Variants in PPM1A observed in about 807,000 individuals in gnomAD.
The protein encoded by PPM1A is protein phosphatase 1A.
PPM1A carries 7 observed loss-of-function variants against 35.0 expected under a neutral mutation model. That is an observed-to-expected ratio of 0.20 (90% CI 0.11 to 0.38). The LOEUF (loss-of-function observed/expected upper bound fraction) is 0.38, where lower values mean the gene tolerates loss of function less well. Ranked by LOEUF, PPM1A falls within the 10% of genes least tolerant of loss-of-function variation. The probability of loss-of-function intolerance (pLI) is 1.00; values close to 1 mark genes in which losing one functional copy is unlikely to be tolerated. For synonymous variants in PPM1A, 153 were observed against 167.3 expected (o/e 0.91, Z 0.66); for missense variants, 239 against 467.8 (o/e 0.51, Z 4.51).
intron 1 of PPM1A, among the ~76,000 whole-genome samples, chr14:60,255,016 T>G (rs1882888409): frequency 6.6e-6 from 1 of 152,194 alleles, no homozygotes; most frequent in Admixed American, 6.5e-5. Flanking sequence ...TTTGTGTCTT[T>G]CCTTCTCCAG....
intron 1 of PPM1A, chr14:60,256,842 T>C (rs913533428): frequency 1.3e-5 from 2 of 152,222 alleles, no homozygotes; most frequent in Non-Finnish European, 2.9e-5. Context: ...TGTTGATCCA[T>C]GCGGTTTCAT....
chr14:60,297,642 C>T lies in PPM1A; in HGVS notation c.*5160C>T, dbSNP rs150309578. 2.6e-4 allele frequency: 39 copies of T among 151,688 alleles called. No individual in the cohort carries two copies. The highest frequency in any genetic ancestry group is 5.2e-4 in the Non-Finnish European group (35 of 67,650). The allele number at this position is 151,688 out of a possible 1,614,324, so 9.4% of individuals were successfully genotyped here. On this transcript the variant is annotated 3_prime_UTR_variant, in exon 6 of 6. Transcript: ENST00000395076. ...GATCCAGTATAAGACTATTTAGTAA[C>T]GTGCATTTGTATGGTACTATCTAAA... is the stretch of plus-strand genomic sequence containing the variant.
intron 1 of PPM1A, among the ~76,000 whole-genome samples, chr14:60,279,516 T>C (rs746685764): frequency 2.6e-4 from 40 of 152,230 alleles, no homozygotes; most frequent in Non-Finnish European, 1.3e-4. Flanking sequence ...GTTCATTATT[T>C]TTAAAACGTT....
chr14:60,272,608 C>G (rs993805525), intron 1 of PPM1A, among the ~76,000 whole-genome samples: 2 of 147,186 alleles, frequency 1.4e-5, no homozygotes, highest in Non-Finnish European at 3.0e-5. Context: ...ACTTGGGAGG[C>G]TGAGGCACAG....
At chr14:60,287,390 AT>A in intron 3 of PPM1A, 1 of 981,750 alleles carries the variant, frequency 1.0e-6, no homozygotes, top group Non-Finnish European at 1.2e-6. Context: ...TAAATATGGT[AT>A]TTTTTACTCA....
At chr14:60,287,438 A>C in intron 3 of PPM1A, 2 of 984,374 alleles carry the variant, frequency 2.0e-6, no homozygotes, top group South Asian at 9.4e-5. Context: ...TAAATATTAC[A>C]TTAAAATTGC....
chr14:60,268,691 C>CT (rs2139429697), intron 1 of PPM1A, among the ~76,000 whole-genome samples: 1 of 150,814 alleles, frequency 6.6e-6, no homozygotes, highest in South Asian at 2.1e-4. Context: ...TTTCAACACA[C>CT]TATTGCTGGC....
At chr14:60,252,206 C>T (rs1882508226) in intron 1 of PPM1A, among the ~76,000 whole-genome samples, 1 of 152,140 alleles carries the variant, frequency 6.6e-6, no homozygotes, top group Non-Finnish European at 1.5e-5. Flanking sequence ...AATTTTTAAC[C>T]AAGAAGTGGC....
At chr14:60,288,882 G>A (rs1210788779) in intron 3 of PPM1A, among the ~76,000 whole-genome samples, 1 of 151,956 alleles carries the variant, frequency 6.6e-6, no homozygotes, top group East Asian at 1.9e-4. Context: ...AAATACTTTT[G>A]ACTTGAATTT....
intron 1 of PPM1A, among the ~76,000 whole-genome samples, chr14:60,268,941 CTT>C (rs767187097): frequency 2.3e-4 from 29 of 128,512 alleles, no homozygotes; most frequent in Non-Finnish European, 2.4e-4. Context: ...ATTTCATTTT[CTT>C]TTTTTTTTTT....
rs1882089216 is a variant in PPM1A at position 60,249,675 on chromosome 14, C to A, written c.-23C>A. 3.0e-6 allele frequency: 3 copies of A among 983,676 alleles called. No individual in the cohort carries two copies. Among genetic ancestry groups the A allele is most frequent in the South Asian group, 4.5e-5 (1 of 22,038 alleles). 60.9% of individuals were successfully genotyped at this position (983,676 alleles called of 1,614,324 possible). On this transcript the variant is annotated splice_region_variant and 5_prime_UTR_variant, in exon 1 of 6. Coordinates refer to ENST00000395076, the MANE Select transcript of PPM1A (RefSeq NM_021003.5). This position sits in a 1 kb window ranked among gnomAD's most constrained non-coding sequence, Gnocchi z 4.5. ...GGGACCTGCCCGCCTGCGGCTGCTC[C>A]GGGTAAGTGCGGCGCTCGGGCCGAC...
At chr14:60,252,537 A>G (rs1056416765) in intron 1 of PPM1A, among the ~76,000 whole-genome samples, 8 of 152,162 alleles carry the variant, frequency 5.3e-5, no homozygotes, top group African/African-American at 1.9e-4. Context: ...AGAAGAGGAG[A>G]AGGTATAGTG....
At chr14:60,280,976 GATCTTGGCCAAGTTCTTTA>G (rs1036037729) in intron 1 of PPM1A, among the ~76,000 whole-genome samples, 3 of 152,092 alleles carry the variant, frequency 2.0e-5, no homozygotes, top group Admixed American at 1.3e-4. Flanking sequence ...TTAGTTGAGT[GATCTTGGCCAAGTTCTTTA>G]ATCTTGGCTA....
intron 1 of PPM1A, among the ~76,000 whole-genome samples, chr14:60,261,767 C>T (rs1272571253): frequency 1.3e-5 from 2 of 152,110 alleles, no homozygotes; most frequent in Non-Finnish European, 2.9e-5. Context: ...AAAATCATAC[C>T]TTGATTTTAT....
At chr14:60,251,263 G>A (rs767145052) in intron 1 of PPM1A, among the ~76,000 whole-genome samples, 1 of 152,146 alleles carries the variant, frequency 6.6e-6, no homozygotes, top group Non-Finnish European at 1.5e-5. Context: ...TTTTTAGATC[G>A]GTGAAGTAAT....
At position 60,296,562 on chromosome 14, in the gene PPM1A, C is replaced by G. The variant is rs527358041; in HGVS notation, c.*4080C>G. The stretch of plus-strand genomic sequence containing the variant: ...TTGAGTATCTAGTCTTCTAGTTTTT[C>G]TTTTAGGCATTAGGAAGCCTTCTTT... On this transcript the variant is annotated 3_prime_UTR_variant, in exon 6 of 6. Coordinates refer to ENST00000395076, the MANE Select transcript of PPM1A (RefSeq NM_021003.5). This position sits in a 1 kb window ranked among gnomAD's most constrained non-coding sequence, Gnocchi z 4.4. 1 of 316,404 alleles carries G rather than the reference C, an allele frequency of 3.2e-6. No homozygotes were observed. Among genetic ancestry groups the G allele is most frequent in the African/African-American group, 2.1e-5 (1 of 47,046 alleles). The allele number at this position is 316,404 out of a possible 1,614,324, so 19.6% of individuals were successfully genotyped here.
chr14:60,266,023 T>A (rs570210861), intron 1 of PPM1A, among the ~76,000 whole-genome samples: 2 of 152,320 alleles, frequency 1.3e-5, no homozygotes, highest in South Asian at 4.1e-4. Flanking sequence ...TAGTTGACTC[T>A]CCTACTTATG....
rs202247578 is a variant in PPM1A, at chr14:60,283,677, TATATC to T, written c.834+144_834+148del. The T allele has an allele frequency of 8.2e-4, 648 of 791,358 alleles. 5 individuals are homozygous for T. In the East Asian group the frequency reaches 0.017, roughly 21 times the overall value. 49.0% of individuals were successfully genotyped at this position (791,358 alleles called of 1,614,324 possible). A position where few individuals can be genotyped will look rare whatever the true frequency, so the allele number is the denominator to read the frequency against. The stretch of plus-strand genomic sequence containing the variant: ...GGATACTGTTCACCAATTATGAAAA[TATATC>T]ATAGGACCACTATGTAGAAATAAAT... On this transcript the variant is annotated intron_variant, in intron 2 of 5. Transcript: ENST00000395076. The surrounding 1 kb of genome is among the most constrained non-coding windows in gnomAD (Gnocchi z 6.3).
At chr14:60,253,293 A>AT (rs1555338969) in intron 1 of PPM1A, among the ~76,000 whole-genome samples, 3 of 152,186 alleles carry the variant, frequency 2.0e-5, no homozygotes, top group Non-Finnish European at 4.4e-5. Flanking sequence ...TTCTAGATAC[A>AT]GAAGAACGTC....
Sources: allele counts gnomAD v4.1 joint callset (sites outside exome capture counted in the v4.1 genomes callset), GRCh38; gene constraint gnomAD v4.1.1; non-coding constraint Gnocchi (gnomAD v3.1); transcripts MANE v1.5; gene names NCBI Gene and HGNC (gene_info 2026-07-23, HGNC 2026-07-21).